The following MTMR3 variants were observed in gnomAD, a reference collection of about 807,000 sequenced individuals.
MTMR3 encodes phosphatidylinositol-3,5-bisphosphate 3-phosphatase MTMR3.
In MTMR3, 32 loss-of-function variants were observed where a neutral mutation model predicts 132.4. The observed-to-expected ratio is 0.24, with a 90% CI of 0.18 to 0.32. MTMR3 has a LOEUF of 0.32. Among genes scored for constraint, MTMR3 ranks in the 10% least tolerant of loss-of-function variants. MTMR3 has a pLI of 1.00. For synonymous variants in MTMR3, 556 were observed against 550.3 expected, an observed-to-expected ratio of 1.01 and a Z score of -0.14; for missense variants, 1,216 against 1,489.6, an observed-to-expected ratio of 0.82 and a Z score of 3.02.
At chr22:29,986,655 T>C (rs1822033166) in intron 5 of MTMR3, 1 of 893,276 alleles carries the variant, frequency 1.1e-6, no homozygotes, top group African/African-American at 1.8e-5. Flanking sequence ...GATTTTTCTT[T>C]TTTCTTTTCT....
intron 1 of MTMR3, among the ~76,000 whole-genome samples, chr22:29,885,854 A>C (rs989870260): frequency 6.6e-6 from 1 of 152,202 alleles, no homozygotes; most frequent in African/African-American, 2.4e-5. Flanking sequence ...TACCAAAGGA[A>C]GTATTCGTGT....
intron 3 of MTMR3, among the ~76,000 whole-genome samples, chr22:29,973,400 AC>A (rs573551010): frequency 3.3e-5 from 5 of 152,074 alleles, no homozygotes; most frequent in Admixed American, 1.3e-4. Context: ...GACCTCTTTT[AC>A]CCCTACCCTT....
At chr22:30,010,937 C>T (rs191367221) in intron 12 of MTMR3, 4 of 152,308 alleles carry the variant, frequency 2.6e-5, no homozygotes, top group Admixed American at 2.6e-4. Context: ...GTATGCTAGG[C>T]ACTGTGCTGG....
At chr22:30,023,092 A>G (rs961812824) in intron 19 of MTMR3, 2 of 392,766 alleles carry the variant, frequency 5.1e-6, no homozygotes, top group African/African-American at 2.0e-5. Context: ...CTGACCCCAC[A>G]CTTGTTTTCC....
chr22:29,887,330 T>C (rs1314654443), intron 1 of MTMR3, among the ~76,000 whole-genome samples: 1 of 152,222 alleles, frequency 6.6e-6, no homozygotes. Context: ...GCAACTTTTC[T>C]ACTTTTCTAA....
rs751966617 is a variant in MTMR3, at chr22:30,020,008, C to A, written c.2349C>A (p.Pro783=). 21 of 1,614,090 alleles carry A rather than the reference C, an allele frequency of 1.3e-5. No individual in the cohort carries two copies. The South Asian group carries it at 1.8e-4, about 14-fold the overall frequency. The change falls in exon 17 of 20, where the codon CCC becomes CCA. Residue 783 remains proline, a synonymous_variant. Transcript: ENST00000401950. The part of the protein sequence containing the change: ...SVLLSSLQVP[P]RGEDSLEVPV... ...TCCTCAGTTCTCTCCAGGTCCCCCC[C>A]AGGGGAGAGGATTCCCTGGAGGTCC...
chr22:29,914,169 G>T (rs2065266405), intron 1 of MTMR3, among the ~76,000 whole-genome samples: 1 of 152,154 alleles, frequency 6.6e-6, no homozygotes, highest in Admixed American at 6.5e-5. Context: ...AGGATTGTAG[G>T]GTAAGTGTGT....
At chr22:29,906,274 G>GTCTATCTA (rs1568998324) in intron 1 of MTMR3, among the ~76,000 whole-genome samples, 7 of 123,004 alleles carry the variant, frequency 5.7e-5, no homozygotes, top group Admixed American at 3.0e-4. Context: ...CTGTCTGTCT[G>GTCTATCTA]TCTGTCTGTC....
At chr22:29,949,521 A>C (rs2145829784) in intron 1 of MTMR3, among the ~76,000 whole-genome samples, 1 of 144,440 alleles carries the variant, frequency 6.9e-6, no homozygotes, top group South Asian at 2.4e-4. Flanking sequence ...AAAAAAAAAA[A>C]CAACACACGT....
intron 1 of MTMR3, among the ~76,000 whole-genome samples, chr22:29,916,494 T>C (rs2065310398): frequency 6.6e-6 from 1 of 152,182 alleles, no homozygotes; most frequent in Non-Finnish European, 1.5e-5. Flanking sequence ...GGAAACTGCC[T>C]CAAAATACAA....
chr22:29,890,152 T>C (rs1729221103), intron 1 of MTMR3, among the ~76,000 whole-genome samples: 1 of 151,802 alleles, frequency 6.6e-6, no homozygotes, highest in South Asian at 2.1e-4. Flanking sequence ...ATGATCCACC[T>C]GCCTCCGCCT....
intron 2 of MTMR3, among the ~76,000 whole-genome samples, chr22:29,959,132 C>T (rs181512295): frequency 2.6e-3 from 399 of 152,194 alleles, no homozygotes; most frequent in African/African-American, 9.2e-3. Flanking sequence ...ATTCCATGTT[C>T]AGTAGGAAGA....
Position 30,018,072 on chromosome 22 carries a change from G to A in MTMR3, c.1820G>A (p.Arg607Gln). 1 of 1,605,572 alleles carries A rather than the reference G, an allele frequency of 6.2e-7. No individual in the cohort carries two copies. Among genetic ancestry groups the A allele is most frequent in the Non-Finnish European group, 8.5e-7 (1 of 1,177,136 alleles). Reference protein sequence around the residue: ...GTSPDDPPLSRLPKTRSYDNL... With the variant: ...GTSPDDPPLSQLPKTRSYDNL... ...AGCCCTGATGATCCCCCCCTGAGCC[G>A]GTGAGCCCAGGGTGATGCCACAGGC... The change falls in exon 16 of 20, where the codon CGG becomes CAG. Residue 607 changes from arginine (R) to glutamine (Q), a missense_variant and splice_region_variant. Physicochemically the swap from Arg to Gln is conservative, Grantham distance 43 (BLOSUM62 1). This residue lies in a region of MTMR3 where 852 missense variants were observed against 852.0 expected (regional missense o/e 1.00). Transcript: ENST00000401950.
intron 2 of MTMR3, among the ~76,000 whole-genome samples, chr22:29,959,125 C>A (rs1046530933): frequency 4.6e-5 from 7 of 152,090 alleles, no homozygotes; most frequent in Admixed American, 1.3e-4. Context: ...AGATGAGATT[C>A]CATGTTCAGT....
At chr22:29,948,727 C>T (rs2065997913) in intron 1 of MTMR3, among the ~76,000 whole-genome samples, 1 of 151,140 alleles carries the variant, frequency 6.6e-6, no homozygotes, top group Non-Finnish European at 1.5e-5. Flanking sequence ...TTAGAATAAG[C>T]AGTGTAAATT....
chr22:29,897,013 A>T (rs2064915165), intron 1 of MTMR3, among the ~76,000 whole-genome samples: 1 of 152,062 alleles, frequency 6.6e-6, no homozygotes, highest in Admixed American at 6.5e-5. Flanking sequence ...AAATTTAGAA[A>T]AATATGGAGA....
intron 9 of MTMR3, chr22:30,005,162 G>A (rs2067249509): frequency 6.6e-6 from 1 of 152,104 alleles, no homozygotes; most frequent in South Asian, 2.1e-4. Flanking sequence ...TAAAATTGAA[G>A]CATTCTGTGT....
At chr22:29,895,956 T>C (rs1415405482) in intron 1 of MTMR3, among the ~76,000 whole-genome samples, 1 of 152,186 alleles carries the variant, frequency 6.6e-6, no homozygotes, top group Non-Finnish European at 1.5e-5. Flanking sequence ...GAAGACAACA[T>C]TTCAAATCGA....
At chr22:29,922,013 T>G (rs551146935) in intron 1 of MTMR3, among the ~76,000 whole-genome samples, 20 of 151,358 alleles carry the variant, frequency 1.3e-4, no homozygotes, top group Non-Finnish European at 2.9e-4. Flanking sequence ...CCACACCAGC[T>G]AATTTGTATA....
Sources: allele counts gnomAD v4.1 joint callset (sites outside exome capture counted in the v4.1 genomes callset), GRCh38; gene constraint gnomAD v4.1.1; regional missense constraint gnomAD v4.1.1; transcripts MANE v1.5; gene names NCBI Gene and HGNC (gene_info 2026-07-23, HGNC 2026-07-21).